Variants in SERPINE2 observed in about 807,000 individuals in gnomAD.
The protein encoded by SERPINE2 is glia-derived nexin.
In SERPINE2, 14 loss-of-function variants were observed where a neutral mutation model predicts 36.3. That is an observed-to-expected ratio of 0.39 (90% CI 0.25 to 0.60). The LOEUF (loss-of-function observed/expected upper bound fraction) is 0.60. Ranked by LOEUF, SERPINE2 falls within the 20% of genes least tolerant of loss-of-function variation. The pLI is 0.57. For synonymous variants in SERPINE2, 192 were observed against 191.8 expected (o/e 1.00, Z -0.01); for missense variants, 418 against 499.6 (o/e 0.84, Z 1.56).
rs1232348666 is a variant in SERPINE2, at chr2:224,031,054, A to T, written c.-23+8045T>A. 5 of 984,694 alleles carry T rather than the reference A, an allele frequency of 5.1e-6. No individual in the cohort carries two copies. The East Asian group carries it at 5.7e-4, about 112-fold the overall frequency. 61.0% of individuals were successfully genotyped at this position (984,694 alleles called of 1,614,324 possible). A position where few individuals can be genotyped will look rare whatever the true frequency, so the allele number is the denominator to read the frequency against. The stretch of plus-strand genomic sequence containing the variant: ...CTATCACGCAGCACGGCGAGGAGGT[A>T]GTCTTGAAAGGAGGAGTGTGCTTTG... On this transcript the variant is annotated intron_variant, in intron 1 of 8. Transcript: ENST00000409304.
chr2:223,983,676 G>A (rs1323442044), intron 5 of SERPINE2, among the ~76,000 whole-genome samples: 1 of 145,250 alleles, frequency 6.9e-6, no homozygotes, highest in Admixed American at 7.0e-5. Context: ...TTGGCCTTGG[G>A]GATATATGGA....
At chr2:224,015,031 A>G (rs1435983255) in intron 1 of SERPINE2, among the ~76,000 whole-genome samples, 12 of 143,332 alleles carry the variant, frequency 8.4e-5, no homozygotes, top group Non-Finnish European at 1.8e-4. Flanking sequence ...GGGTGGTGCC[A>G]TGGCATCTGG....
Position 223,997,815 on chromosome 2 carries a change from A to C in SERPINE2, c.487+300T>G, listed in dbSNP as rs567028638. On this transcript the variant is annotated intron_variant, in intron 3 of 8. Transcript: ENST00000409304. ...GAAGGAATGAGCAAGAAAACCTTCA[A>C]AATCAACAAGAGCCTGTGGGCAAGG... Among the ~76,000 whole-genome samples, 29 of 152,318 alleles carry C rather than the reference A, an allele frequency of 1.9e-4. No individual in the cohort carries two copies. In the East Asian group the frequency reaches 5.6e-3, roughly 29 times the overall value.
intron 1 of SERPINE2, among the ~76,000 whole-genome samples, chr2:224,009,233 A>T (rs540585063): frequency 1.3e-5 from 2 of 152,198 alleles, no homozygotes; most frequent in African/African-American, 4.8e-5. Context: ...AGGCACTGGG[A>T]AAGTCTCGCC....
chr2:223,994,405 T>C (rs1410320894), intron 3 of SERPINE2, among the ~76,000 whole-genome samples: 6 of 152,156 alleles, frequency 3.9e-5, no homozygotes, highest in Non-Finnish European at 8.8e-5. Flanking sequence ...AGAAAATGCA[T>C]AGTTTAGAGG....
intron 1 of SERPINE2, among the ~76,000 whole-genome samples, chr2:224,025,807 T>C (rs1318319690): frequency 6.6e-6 from 1 of 152,230 alleles, no homozygotes; most frequent in Admixed American, 6.5e-5. Flanking sequence ...CCAAGAAAGT[T>C]GCCCTCAGAG....
chr2:223,975,096 C>T lies in SERPINE2; in HGVS notation c.*771G>A, dbSNP rs910500715. ...ACAAAGGTTTATTAGAAGAGGCTGA[C>T]GAATGTCTAAAAGGCTCAGTTTCTT... On this transcript the variant is annotated 3_prime_UTR_variant, in exon 9 of 9. Coordinates refer to ENST00000409304, the MANE Select transcript of SERPINE2 (RefSeq NM_001136528.2). 2.0e-5 allele frequency: 3 copies of T among 152,180 alleles called. No individual in the cohort carries two copies. Among genetic ancestry groups the T allele is most frequent in the Admixed American group, 6.5e-5 (1 of 15,268 alleles). The allele number at this position is 152,180 out of a possible 1,614,324, so 9.4% of individuals were successfully genotyped here.
intron 1 of SERPINE2, among the ~76,000 whole-genome samples, chr2:224,019,035 G>A (rs751613687): frequency 2.6e-5 from 4 of 152,114 alleles, no homozygotes; most frequent in Admixed American, 6.6e-5. Context: ...GCTCTGAGTC[G>A]GCCTGTCTGG....
At chr2:223,999,931 C>T (rs1487690672) in intron 2 of SERPINE2, among the ~76,000 whole-genome samples, 2 of 152,116 alleles carry the variant, frequency 1.3e-5, no homozygotes, top group Non-Finnish European at 2.9e-5. Context: ...AGAGTGTGTT[C>T]CAAGTATTTA....
At chr2:224,012,513 G>A (rs1395252611) in intron 1 of SERPINE2, among the ~76,000 whole-genome samples, 1 of 151,068 alleles carries the variant, frequency 6.6e-6, no homozygotes, top group Non-Finnish European at 1.5e-5. Flanking sequence ...TGAGGCAGGA[G>A]AATGGCGTGA....
At chr2:223,996,828 G>T (rs994991905) in intron 3 of SERPINE2, among the ~76,000 whole-genome samples, 1 of 152,186 alleles carries the variant, frequency 6.6e-6, no homozygotes, top group African/African-American at 2.4e-5. Context: ...TATAATCCCA[G>T]CACTCTGGGA....
intron 4 of SERPINE2, among the ~76,000 whole-genome samples, chr2:223,988,071 A>C (rs997237334): frequency 6.6e-6 from 1 of 152,206 alleles, no homozygotes; most frequent in African/African-American, 2.4e-5. Context: ...GTTCGGGGAC[A>C]GTAGCTGGGG....
intron 1 of SERPINE2, among the ~76,000 whole-genome samples, chr2:224,003,458 T>A (rs1691270259): frequency 1.3e-5 from 2 of 152,184 alleles, no homozygotes; most frequent in African/African-American, 4.8e-5. Flanking sequence ...GCTTTTAAAA[T>A]TAAAGAATTA....
chr2:224,027,190 C>A (rs577985527), intron 1 of SERPINE2, among the ~76,000 whole-genome samples: 1 of 152,174 alleles, frequency 6.6e-6, no homozygotes, highest in Non-Finnish European at 1.5e-5. Flanking sequence ...ACTGAGCCCC[C>A]CTGCTGGCTG....
Position 224,001,704 on chromosome 2 carries a change from T to A in SERPINE2, c.197A>T (p.Gln66Leu). 6.2e-7 allele frequency: 1 copy of A among 1,614,180 alleles called. No homozygotes were observed. The highest frequency in any genetic ancestry group is 1.1e-5 in the South Asian group (1 of 91,088). ...HGIASVLGMLQLGADGRTKKQ... is the reference protein window; with the variant it reads ...HGIASVLGMLLLGADGRTKKQ... ...CTTGGTCCTGCCGTCCGCCCCCAGC[T>A]GAAGCATCCCCAGGACCGACGCAAT... The change falls in exon 2 of 9, where the codon CAG becomes CTG. Residue 66 changes from glutamine (Q) to leucine (L), a missense_variant. By Grantham distance (113) the Gln-to-Leu change is moderately radical. Coordinates refer to ENST00000409304, the MANE Select transcript of SERPINE2 (RefSeq NM_001136528.2).
At position 223,982,681 on chromosome 2, in the gene SERPINE2, T is replaced by A; in HGVS notation, c.985A>T (p.Arg329Trp). The A allele has an allele frequency of 6.3e-7, 1 of 1,582,778 alleles. No individual in the cohort carries two copies. Among genetic ancestry groups the A allele is most frequent in the South Asian group, 1.1e-5 (1 of 89,988 alleles). The change falls in exon 6 of 9, where the codon AGG becomes TGG. Residue 329 changes from arginine (R) to tryptophan (W), a missense_variant and splice_region_variant. Arg to Trp is a moderately radical substitution (Grantham distance 101). Coordinates refer to ENST00000409304, the MANE Select transcript of SERPINE2 (RefSeq NM_001136528.2). The stretch of plus-strand genomic sequence containing the variant: ...CAAATACATTTTAAATTGAACATAC[T>A]TGTTATTTTTGCAAAATTTGCCTTT... Reference protein sequence around the residue: ...SSKANFAKITRSENLHVSHIL... With the variant: ...SSKANFAKITWSENLHVSHIL...
chr2:223,987,850 A>G (rs1369987602), intron 4 of SERPINE2, among the ~76,000 whole-genome samples: 2 of 152,238 alleles, frequency 1.3e-5, no homozygotes, highest in East Asian at 3.8e-4. Flanking sequence ...AAAATCAAAG[A>G]GGGTATCTTA....
At chr2:223,983,692 ATG>A (rs1491066616) in intron 5 of SERPINE2, among the ~76,000 whole-genome samples, 2 of 41,074 alleles carry the variant, frequency 4.9e-5, no homozygotes, top group African/African-American at 1.8e-4. Context: ...ATGGAGATAT[ATG>A]CACACACACA....
chr2:223,987,325 C>T (rs919449266), intron 4 of SERPINE2, among the ~76,000 whole-genome samples: 1 of 152,084 alleles, frequency 6.6e-6, no homozygotes, highest in Non-Finnish European at 1.5e-5. Context: ...AACACAAAAT[C>T]GGCCCACCCA....
Sources: gnomAD v4.1 joint callset for allele counts (sites outside exome capture counted in the v4.1 genomes callset) on GRCh38, gnomAD v4.1.1 for gene constraint, MANE v1.5 for transcripts, NCBI Gene and HGNC (gene_info 2026-07-23, HGNC 2026-07-21) for gene names.